The following CAMKMT variants were observed in gnomAD, a reference collection of about 807,000 sequenced individuals.
CAMKMT encodes CaM KMT.
Under a neutral mutation model 48.0 loss-of-function variants are expected in CAMKMT, and 53 were observed. That is an observed-to-expected ratio of 1.10 (90% CI 0.89 to 1.39). CAMKMT has a LOEUF of 1.39. Ranked by LOEUF, CAMKMT falls within the 40% of genes most tolerant of loss-of-function variation. CAMKMT has a pLI of 0.00. For synonymous variants in CAMKMT, 165 were observed against 152.3 expected (o/e 1.08, Z -0.61); for missense variants, 428 against 402.7 (o/e 1.06, Z -0.54).
In CAMKMT at chr2:44,635,725, G is replaced by A. The variant is rs549257030; in HGVS notation, c.377-68558G>A. Among the ~76,000 whole-genome samples the A allele has an allele frequency of 2.0e-5, 3 of 152,192 alleles. No homozygotes were observed. In the East Asian group the frequency reaches 5.8e-4, roughly 29 times the overall value. On this transcript the variant is annotated intron_variant, in intron 3 of 10. Coordinates refer to ENST00000378494, the MANE Select transcript of CAMKMT (RefSeq NM_024766.5). ...AGCTGGGCTCATATGATTCCTTCCA[G>A]TTCCAGGGTTTTGTAGCTGGGGGTG...
chr2:44,483,157 C>T (rs1327771028), intron 3 of CAMKMT, among the ~76,000 whole-genome samples: 1 of 152,140 alleles, frequency 6.6e-6, no homozygotes, highest in Non-Finnish European at 1.5e-5. Context: ...GCCCTCTCTA[C>T]TCTCTTACCT....
At chr2:44,732,772 GTT>G (rs1255601838) in intron 7 of CAMKMT, among the ~76,000 whole-genome samples, 1 of 152,022 alleles carries the variant, frequency 6.6e-6, no homozygotes, top group African/African-American at 2.4e-5. Flanking sequence ...TGGGTTGCTT[GTT>G]TTTCTTATCA....
At position 44,630,663 on chromosome 2, in the gene CAMKMT, C is replaced by A. The variant is rs1672759221; in HGVS notation, c.377-73620C>A. Among the ~76,000 whole-genome samples the A allele has an allele frequency of 2.0e-5, 3 of 151,818 alleles. No homozygotes were observed. In the South Asian group the frequency reaches 6.2e-4, roughly 32 times the overall value. ...ATGAAAAAATGCTCACCATCACTGGCTATCAGAGAAATGCAAATCAAAACC... is the reference window on the plus strand; with the variant it reads ...ATGAAAAAATGCTCACCATCACTGGATATCAGAGAAATGCAAATCAAAACC... On this transcript the variant is annotated intron_variant, in intron 3 of 10. Coordinates refer to ENST00000378494, the MANE Select transcript of CAMKMT (RefSeq NM_024766.5).
intron 6 of CAMKMT, among the ~76,000 whole-genome samples, chr2:44,712,956 T>A (rs1008959238): frequency 6.6e-6 from 1 of 152,144 alleles, no homozygotes; most frequent in African/African-American, 2.4e-5. Context: ...AATATACTGT[T>A]GACATTTTTT....
chr2:44,661,581 A>G (rs1291974353), intron 3 of CAMKMT, among the ~76,000 whole-genome samples: 2 of 152,124 alleles, frequency 1.3e-5, no homozygotes, highest in South Asian at 2.1e-4. Context: ...TGGTATTGCT[A>G]TAAGACTAAG....
intron 3 of CAMKMT, among the ~76,000 whole-genome samples, chr2:44,581,838 A>G (rs1378357696): frequency 6.6e-6 from 1 of 152,166 alleles, no homozygotes; most frequent in African/African-American, 2.4e-5. Context: ...ATCTCTACTA[A>G]AAGTACACAT....
chr2:44,402,740 G>GTTTTTTTTTTTTTTTTTTTTCTTTTT, intron 3 of CAMKMT, among the ~76,000 whole-genome samples: 1 of 94,106 alleles, frequency 1.1e-5, no homozygotes, highest in Non-Finnish European at 2.1e-5. Context: ...TTGTTTTGCT[G>GTTTTTTTTTTTTTTTTTTTTCTTTTT]TTTTTTTTTT....
chr2:44,672,319 G>A lies in CAMKMT; in HGVS notation c.377-31964G>A, dbSNP rs138459341. Reference sequence around the variant, plus strand: ...AGAACAACCTGCCCAAACTGAATGCGGCTCACAAGTGGAGTGGGCAGAGCT... The same window carrying A: ...AGAACAACCTGCCCAAACTGAATGCAGCTCACAAGTGGAGTGGGCAGAGCT... On this transcript the variant is annotated intron_variant, in intron 3 of 10. Transcript: ENST00000378494. Among the ~76,000 whole-genome samples the A allele has an allele frequency of 3.8e-3, 576 of 152,290 alleles. 3 individuals carry two copies. The highest frequency in any genetic ancestry group is 9.4e-3 in the African/African-American group (390 of 41,560).
intron 3 of CAMKMT, among the ~76,000 whole-genome samples, chr2:44,467,959 G>T (rs1329187504): frequency 1.3e-5 from 2 of 152,076 alleles, no homozygotes; most frequent in African/African-American, 4.8e-5. Flanking sequence ...AGATTTTATG[G>T]CTAAGACCTC....
chr2:44,425,990 C>A (rs1684255054), intron 3 of CAMKMT, among the ~76,000 whole-genome samples: 1 of 152,184 alleles, frequency 6.6e-6, no homozygotes, highest in Admixed American at 6.5e-5. Flanking sequence ...CTTGGCCTCC[C>A]AAAGTGCTGG....
intron 3 of CAMKMT, among the ~76,000 whole-genome samples, chr2:44,420,580 T>TA (rs1491396868): frequency 7.3e-5 from 11 of 151,196 alleles, no homozygotes; most frequent in Middle Eastern, 3.4e-3. Flanking sequence ...TATATATATA[T>TA]TTTTTTCTCT....
chr2:44,586,895 C>A (rs1362144921), intron 3 of CAMKMT, among the ~76,000 whole-genome samples: 2 of 152,274 alleles, frequency 1.3e-5, no homozygotes, highest in South Asian at 2.1e-4. Context: ...AAACTGTTTT[C>A]CAGAGGGGTG....
chr2:44,515,549 C>G (rs186887888), intron 3 of CAMKMT, among the ~76,000 whole-genome samples: 1 of 152,230 alleles, frequency 6.6e-6, no homozygotes, highest in Non-Finnish European at 1.5e-5. Context: ...GGAGGACTTA[C>G]TCTGTTACAT....
At chr2:44,362,695 T>C (rs572779186) in intron 1 of CAMKMT, among the ~76,000 whole-genome samples, 3 of 152,256 alleles carry the variant, frequency 2.0e-5, no homozygotes, top group East Asian at 1.9e-4. Context: ...CTCACTGAGG[T>C]CTCAAAGTTA....
rs1450064413 is a variant in CAMKMT, at chr2:44,500,878, C to T, written c.376+110573C>T. Among the ~76,000 whole-genome samples the T allele has an allele frequency of 2.0e-5, 3 of 151,960 alleles. No individual in the cohort carries two copies. The East Asian group carries it at 5.8e-4, about 29-fold the overall frequency. ...TGTATTTTTAGTAGAGATGGGGTTT[C>T]ACCATGTTGACCAGACTGGTCTTGA... On this transcript the variant is annotated intron_variant, in intron 3 of 10. Transcript: ENST00000378494.
chr2:44,667,683 AC>A (rs1675075296), intron 3 of CAMKMT, among the ~76,000 whole-genome samples: 1 of 152,038 alleles, frequency 6.6e-6, no homozygotes. Context: ...CATACCCCAG[AC>A]CTTGTCATCA....
intron 9 of CAMKMT, 132 bp downstream of exon 9, chr2:44,754,250 T>G: frequency 1.5e-6 from 1 of 678,226 alleles, no homozygotes; most frequent in Admixed American, 2.4e-5. Flanking sequence ...CCAACTTCAA[T>G]TGGGTCTTCT....
chr2:44,702,929 G>A (rs747750027), intron 3 of CAMKMT, among the ~76,000 whole-genome samples: 27 of 152,140 alleles, frequency 1.8e-4, no homozygotes, highest in Non-Finnish European at 2.4e-4. Flanking sequence ...CAAAGTTGGA[G>A]GTTCATCTAG....
intron 3 of CAMKMT, among the ~76,000 whole-genome samples, chr2:44,396,607 T>G (rs1244677235): frequency 2.0e-5 from 3 of 151,996 alleles, no homozygotes; most frequent in Non-Finnish European, 2.9e-5. Flanking sequence ...ATCAGTAAAT[T>G]GTAGGGAACT....
Sources: gnomAD v4.1 joint callset for allele counts (sites outside exome capture counted in the v4.1 genomes callset) on GRCh38, gnomAD v4.1.1 for gene constraint, MANE v1.5 for transcripts, NCBI Gene and HGNC (gene_info 2026-07-23, HGNC 2026-07-21) for gene names.